NTSR2: variants seen among roughly 807,000 people sequenced by gnomAD.
NTSR2 encodes neurotensin receptor type 2.
A neutral mutation model predicts 24.1 loss-of-function variants in NTSR2; 22 were observed. The ratio of observed to expected loss-of-function variants is 0.91; its 90% CI spans 0.65 to 1.30. NTSR2 has a LOEUF of 1.30. Ranked by LOEUF, NTSR2 falls within the 50% of genes most tolerant of loss-of-function variation. The pLI, the probability that NTSR2 is intolerant of heterozygous loss-of-function variation, is 0.00. For synonymous variants in NTSR2, 291 were observed against 267.0 expected, an observed-to-expected ratio of 1.09 and a Z score of -0.88; for missense variants, 570 against 570.4, an observed-to-expected ratio of 1.00 and a Z score of 0.01.
In NTSR2 at chr2:11,658,568, G is replaced by T. The variant is rs77419493; in HGVS notation, c.1144C>A (p.Pro382Thr). The T allele has an allele frequency of 3.3e-4, 535 of 1,614,200 alleles. 3 individuals are homozygous for T. In the African/African-American group the frequency reaches 6.0e-3, roughly 18 times the overall value. ...AVSSLCGEHH[P>T]MKRLPPKPQS... is the part of the protein sequence containing the mutation. The stretch of plus-strand genomic sequence containing the variant: ...GGCTTCGGGGGTAACCGCTTCATGG[G>T]GTGGTGCTCTCCACACAGGGAGCTG... The change falls in exon 4 of 4, where the codon CCC becomes ACC. Residue 382 changes from proline to threonine, a missense_variant. Physicochemically the swap from Pro to Thr is conservative, Grantham distance 38. Coordinates refer to ENST00000306928, the MANE Select transcript of NTSR2 (RefSeq NM_012344.4).
At chr2:11,667,144 C>T (rs1037663261) in intron 1 of NTSR2, among the ~76,000 whole-genome samples, 2 of 152,144 alleles carry the variant, frequency 1.3e-5, no homozygotes, top group African/African-American at 4.8e-5. Context: ...GCGAGAGGGG[C>T]TCCTGGGAGC....
intron 3 of NTSR2, 115 bp from the exon 4 acceptor site, chr2:11,658,837 C>T: frequency 2.5e-6 from 3 of 1,213,468 alleles, no homozygotes; most frequent in Non-Finnish European, 3.5e-6. Flanking sequence ...CTATTTTCTG[C>T]TATCAGGAAG....
Position 11,670,013 on chromosome 2 carries a change from G to A in NTSR2, c.117C>T (p.Tyr39=), listed in dbSNP as rs758695143. The A allele has an allele frequency of 7.1e-5, 107 of 1,516,868 alleles. No homozygotes were observed. Among genetic ancestry groups the A allele is most frequent in the Non-Finnish European group, 8.7e-5 (99 of 1,138,186 alleles). 94.0% of individuals were successfully genotyped at this position (1,516,868 alleles called of 1,614,324 possible). A position where few individuals can be genotyped will look rare whatever the true frequency, so the allele number is the denominator to read the frequency against. The change falls in exon 1 of 4, where the codon TAC becomes TAT. Residue 39 remains tyrosine (Y), a synonymous_variant. Coordinates refer to ENST00000306928, the MANE Select transcript of NTSR2 (RefSeq NM_012344.4). ...LWAKVLFTAL[Y]ALIWALGAAG... ...CCGCGCCCAGCGCCCAGATGAGTGC[G>A]TAGAGCGCGGTGAACAGCACCTTGG...
chr2:11,658,366 G>C lies in NTSR2; in HGVS notation c.*113C>G, dbSNP rs6755345. Reference sequence around the variant, plus strand: ...GTTCTCAGCAGAGCAGGGGTTGATAGAAGTCGCCCTGGCTGCGAAGCTTGA... The same window carrying C: ...GTTCTCAGCAGAGCAGGGGTTGATACAAGTCGCCCTGGCTGCGAAGCTTGA... On this transcript the variant is annotated 3_prime_UTR_variant, in exon 4 of 4. Transcript: ENST00000306928. 80 of 1,435,448 alleles carry C rather than the reference G, an allele frequency of 5.6e-5. No homozygotes were observed. The highest frequency in any genetic ancestry group is 9.1e-5 in the Admixed American group (4 of 44,162). 88.9% of individuals were successfully genotyped at this position (1,435,448 alleles called of 1,614,324 possible).
rs978893630 is a variant in NTSR2 at position 11,662,293 on chromosome 2, C to G, written c.625-53G>C. The G allele has an allele frequency of 2.8e-6, 4 of 1,427,722 alleles. No homozygotes were observed. The East Asian group carries it at 1.0e-4, about 36-fold the overall frequency. The allele number at this position is 1,427,722 out of a possible 1,614,324, so 88.4% of individuals were successfully genotyped here. A position where few individuals can be genotyped will look rare whatever the true frequency, so the allele number is the denominator to read the frequency against. ...GGCAGCGCCAGGGCCCTGCGGCCCT[C>G]GCCATCTGGCTGTGCCCCAGACCCG... On this transcript the variant is annotated intron_variant, in intron 1 of 3. Transcript: ENST00000306928.
At chr2:11,665,239 A>G (rs1363628976) in intron 1 of NTSR2, 2 of 152,190 alleles carry the variant, frequency 1.3e-5, no homozygotes, top group African/African-American at 2.4e-5. Flanking sequence ...CTGAGCGGCA[A>G]TGCGCTGGCT....
intron 1 of NTSR2, 89 bp downstream of exon 1, chr2:11,669,417 A>G: frequency 1.0e-6 from 1 of 980,240 alleles, no homozygotes; most frequent in Non-Finnish European, 1.4e-6. Context: ...AGAGTCGAAA[A>G]TGTCTGTTCC....
At position 11,663,334 on chromosome 2, in the gene NTSR2, C is replaced by T. The variant is rs569396776; in HGVS notation, c.625-1094G>A. Among the ~76,000 whole-genome samples the T allele has an allele frequency of 8.9e-4, 136 of 152,132 alleles. 1 individual carries two copies. Among genetic ancestry groups the T allele is most frequent in the Non-Finnish European group, 1.2e-3 (83 of 67,982 alleles). ...GGGGCCCCCGTGCAGATGAGACTTC[C>T]CTATGGTCCCCCTGTGCACCAGAGA... is the stretch of plus-strand genomic sequence containing the variant. On this transcript the variant is annotated intron_variant, in intron 1 of 3. Transcript: ENST00000306928.
intron 3 of NTSR2, among the ~76,000 whole-genome samples, chr2:11,659,331 C>T (rs1249690772): frequency 2.6e-5 from 4 of 152,236 alleles, no homozygotes; most frequent in South Asian, 4.1e-4. Context: ...CGGACTGCTG[C>T]GTGTGGTCAG....
intron 1 of NTSR2, among the ~76,000 whole-genome samples, chr2:11,664,340 ACTC>A: frequency 6.6e-6 from 1 of 152,086 alleles, no homozygotes; most frequent in East Asian, 1.9e-4. Flanking sequence ...CTGGTCCTGA[ACTC>A]CTGAGCTCAA....
At chr2:11,666,106 G>A (rs1175190068) in intron 1 of NTSR2, 2 of 152,282 alleles carry the variant, frequency 1.3e-5, no homozygotes, top group African/African-American at 4.8e-5. Flanking sequence ...GATACCCCTT[G>A]GTAGAGCTGA....
rs145638723 is a variant in NTSR2, at chr2:11,658,488, G to A, written c.1224C>T (p.Thr408=). Residue 408 remains threonine (T), a synonymous_variant, in exon 4 of 4, where the codon ACC becomes ACT. Coordinates refer to ENST00000306928, the MANE Select transcript of NTSR2 (RefSeq NM_012344.4). The part of the protein sequence containing the change: ...TASGFGDPPE[T]RT ...CATTCTTGCATTACATTCAGGTCCGGGTTTCTGGGGGATCCCCAAAGCCTG... is the reference window on the plus strand; with the variant it reads ...CATTCTTGCATTACATTCAGGTCCGAGTTTCTGGGGGATCCCCAAAGCCTG... 23 of 1,602,438 alleles carry A rather than the reference G, an allele frequency of 1.4e-5. No individual in the cohort carries two copies. The African/African-American group carries it at 2.8e-4, about 20-fold the overall frequency.
chr2:11,669,083 C>A (rs1210694657), intron 1 of NTSR2, among the ~76,000 whole-genome samples: 1 of 152,126 alleles, frequency 6.6e-6, no homozygotes, highest in African/African-American at 2.4e-5. Flanking sequence ...GGAAGAGAGG[C>A]CGGGAGTGCC....
At position 11,670,121 on chromosome 2, in the gene NTSR2, G is replaced by A. The variant is rs1170401391; in HGVS notation, c.9C>T (p.Thr3=). The part of the protein sequence containing the change: ME[T]SSPRPPRPSS... ...TGGGCCGCGGGGGCCGCGGGCTGCT[G>A]GTTTCCATCCCGCTCCCGCGGCCGG... Residue 3 remains threonine, a synonymous_variant, in exon 1 of 4, where the codon ACC becomes ACT. Transcript: ENST00000306928. 7.3e-7 allele frequency: 1 copy of A among 1,377,306 alleles called. No homozygotes were observed. Among genetic ancestry groups the A allele is most frequent in the Admixed American group, 3.6e-5 (1 of 27,586 alleles). The allele number at this position is 1,377,306 out of a possible 1,614,324, so 85.3% of individuals were successfully genotyped here.
In NTSR2 at chr2:11,660,096, C is replaced by CAT; in HGVS notation, c.935_936insAT (p.Tyr313CysfsTer31). On this transcript the variant is annotated frameshift_variant, in exon 3 of 4. Coordinates refer to ENST00000306928, the MANE Select transcript of NTSR2 (RefSeq NM_012344.4). LOFTEE classifies it high-confidence loss of function. ...AGTACATGAGCCTGCGGGCATGGTA[C>CAT]GGCAGCCAGCAGATGACATACATGA... The CAT allele has an allele frequency of 6.2e-7, 1 of 1,613,790 alleles. No individual in the cohort carries two copies. Among genetic ancestry groups the CAT allele is most frequent in the Non-Finnish European group, 8.5e-7 (1 of 1,179,984 alleles).
chr2:11,660,255 G>A, intron 2 of NTSR2, 122 bp from the exon 3 acceptor site: 1 of 722,872 alleles, frequency 1.4e-6, no homozygotes, highest in South Asian at 1.7e-5. Flanking sequence ...ACTTGGTCCT[G>A]GAGTCAAGGG....
At chr2:11,659,947 C>CAGCAATGGAGGGTCCCTCTGGAG in intron 3 of NTSR2, 96 bp downstream of exon 3, 1 of 939,832 alleles carries the variant, frequency 1.1e-6, no homozygotes, top group Non-Finnish European at 1.7e-6. Context: ...CCAGAGGACC[C>CAGCAATGGAGGGTCCCTCTGGAG]AGCAATGGAG....
intron 1 of NTSR2, 46 bp downstream of exon 1, chr2:11,669,460 G>GGGCGGGGGGGGGCCCCCCCCCCCCCCC: frequency 3.9e-6 from 1 of 254,726 alleles, no homozygotes; most frequent in Non-Finnish European, 6.9e-6. Context: ...TCCCAGCACC[G>GGGCGGGGGGGGGCCCCCCCCCCCCCCC]CCCCCCCACC....
chr2:11,659,479 G>A (rs567606617), intron 3 of NTSR2, among the ~76,000 whole-genome samples: 1 of 152,378 alleles, frequency 6.6e-6, no homozygotes, highest in African/African-American at 2.4e-5. Flanking sequence ...CTCCTGAGGA[G>A]GAGGCATCTG....
Sources: gnomAD v4.1 joint callset for allele counts (sites outside exome capture counted in the v4.1 genomes callset) on GRCh38, gnomAD v4.1.1 for gene constraint, MANE v1.5 for transcripts, NCBI Gene and HGNC (gene_info 2026-07-23, HGNC 2026-07-21) for gene names.